PRKG1: variants seen among roughly 807,000 people sequenced by gnomAD.
The protein encoded by PRKG1 is cGMP-dependent protein kinase 1.
In PRKG1, 35 loss-of-function variants were observed where a neutral mutation model predicts 88.1. The ratio of observed to expected loss-of-function variants is 0.40; its 90% CI spans 0.30 to 0.53. The LOEUF is 0.53. Among genes scored for constraint, PRKG1 ranks in the 20% least tolerant of loss-of-function variants. PRKG1 has a pLI of 0.59. For missense variants in PRKG1, 540 were observed against 839.8 expected (o/e 0.64, Z 4.41); for synonymous variants, 303 against 292.5 (o/e 1.04, Z -0.37).
intron 1 of PRKG1, among the ~76,000 whole-genome samples, chr10:51,064,595 A>G (rs1843728236): frequency 6.6e-6 from 1 of 151,956 alleles, no homozygotes; most frequent in Non-Finnish European, 1.5e-5. Context: ...TAAGGTTGAC[A>G]ACAATTACTT....
intron 3 of PRKG1, among the ~76,000 whole-genome samples, chr10:51,528,653 C>T (rs1421065879): frequency 6.7e-6 from 1 of 148,384 alleles, no homozygotes; most frequent in African/African-American, 2.5e-5. Context: ...ACAGGCACAG[C>T]TATCCTTTCT....
intron 3 of PRKG1, among the ~76,000 whole-genome samples, chr10:51,480,931 G>T (rs927085952): frequency 6.6e-6 from 1 of 152,000 alleles, no homozygotes; most frequent in Non-Finnish European, 1.5e-5. Flanking sequence ...GGGGGAGGTG[G>T]TGGTGGTATG....
chr10:51,818,929 C>T (rs1303477436), intron 4 of PRKG1, among the ~76,000 whole-genome samples: 1 of 115,744 alleles, frequency 8.6e-6, no homozygotes, highest in Non-Finnish European at 1.6e-5. Flanking sequence ...ATGGCGTGAA[C>T]CCGGGAGGCG....
chr10:52,137,151 A>C (rs968328627), intron 8 of PRKG1, among the ~76,000 whole-genome samples: 1 of 152,106 alleles, frequency 6.6e-6, no homozygotes, highest in East Asian at 1.9e-4. Flanking sequence ...CAAGCGAGGT[A>C]CCATGTTCCG....
At chr10:52,161,818 A>C (rs991697613) in intron 8 of PRKG1, 71 bp from the exon 9 acceptor site, 2 of 1,271,520 alleles carry the variant, frequency 1.6e-6, no homozygotes, top group Admixed American at 3.4e-5. Flanking sequence ...TTGTTTCACT[A>C]TATCACTGAC....
intron 7 of PRKG1, among the ~76,000 whole-genome samples, chr10:52,114,471 ACAAT>A (rs1373743806): frequency 2.6e-5 from 4 of 151,808 alleles, no homozygotes; most frequent in African/African-American, 9.7e-5. Context: ...TTCCTTTCAA[ACAAT>A]CCTTTAAAAA....
intron 2 of PRKG1, among the ~76,000 whole-genome samples, chr10:51,449,616 A>C (rs1386491369): frequency 6.9e-6 from 1 of 145,492 alleles, no homozygotes; most frequent in African/African-American, 2.6e-5. Flanking sequence ...CTTAGCATTC[A>C]AGCATAATTT....
At position 51,649,564 on chromosome 10, in the gene PRKG1, G is replaced by A. The variant is rs564938766; in HGVS notation, c.593-155021G>A. 7.2e-5 allele frequency among the ~76,000 whole-genome samples: 11 copies of A among 152,100 alleles called. No homozygotes were observed. The East Asian group carries it at 1.4e-3, about 19-fold the overall frequency. Reference sequence around the variant, plus strand: ...ATTAACACTTAAATAGGGCATATTCGTGTCACCGATAGAGAGTCGTGACTG... The same window carrying A: ...ATTAACACTTAAATAGGGCATATTCATGTCACCGATAGAGAGTCGTGACTG... On this transcript the variant is annotated intron_variant, in intron 3 of 17. Coordinates refer to ENST00000373980, the MANE Select transcript of PRKG1 (RefSeq NM_006258.4).
intron 4 of PRKG1, among the ~76,000 whole-genome samples, chr10:51,855,299 T>C (rs1021781167): frequency 6.6e-6 from 1 of 152,216 alleles, no homozygotes; most frequent in Non-Finnish European, 1.5e-5. Flanking sequence ...GTGTGTTTTA[T>C]ATCAGACAAT....
intron 3 of PRKG1, among the ~76,000 whole-genome samples, chr10:51,648,024 T>C (rs951979399): frequency 2.0e-5 from 2 of 102,042 alleles, no homozygotes; most frequent in African/African-American, 6.2e-5. Flanking sequence ...AGAAATTACA[T>C]TTTCTGGTTA....
Position 52,257,332 on chromosome 10 carries a change from G to GA in PRKG1, c.1173+5675dup, listed in dbSNP as rs201726540. On this transcript the variant is annotated intron_variant, in intron 10 of 17. Coordinates refer to ENST00000373980, the MANE Select transcript of PRKG1 (RefSeq NM_006258.4). ...GCTTGGAGTGCTATGTAAACCAATTGAAAAAAAAATAGAAACTAAGAGGTG... is the reference window on the plus strand; with the variant it reads ...GCTTGGAGTGCTATGTAAACCAATTGAAAAAAAAAATAGAAACTAAGAGGTG... Among the ~76,000 whole-genome samples, 188 of 134,618 alleles carry GA rather than the reference G, an allele frequency of 1.4e-3. 19 individuals carry two copies. Among genetic ancestry groups the GA allele is most frequent in the Middle Eastern group, 3.8e-3 (1 of 264 alleles). The allele number at this position is 134,618 out of a possible 152,430, so 88.3% of individuals were successfully genotyped here. A position where few individuals can be genotyped will look rare whatever the true frequency, so the allele number is the denominator to read the frequency against.
At chr10:51,370,142 A>G (rs1351267939) in intron 2 of PRKG1, among the ~76,000 whole-genome samples, 1 of 152,114 alleles carries the variant, frequency 6.6e-6, no homozygotes, top group Non-Finnish European at 1.5e-5. Context: ...GGTGACTGCT[A>G]TGAGGCTGCC....
chr10:51,925,638 T>C (rs78993545), intron 5 of PRKG1, among the ~76,000 whole-genome samples: 2,153 of 152,226 alleles, frequency 0.014, 48 homozygotes, highest in African/African-American at 0.05. Context: ...GCTCGGAATT[T>C]ACTTCAAAAA....
chr10:51,372,276 G>C (rs865840107), intron 2 of PRKG1, among the ~76,000 whole-genome samples: 1 of 152,010 alleles, frequency 6.6e-6, no homozygotes, highest in Non-Finnish European at 1.5e-5. Context: ...CTGCATTTTT[G>C]TGTGTATTGA....
rs545672466 is a variant in PRKG1 at position 52,294,472 on chromosome 10, A to G, written c.*572A>G. On this transcript the variant is annotated 3_prime_UTR_variant, in exon 18 of 18. Coordinates refer to ENST00000373980, the MANE Select transcript of PRKG1 (RefSeq NM_006258.4). ...ATTTTATTTCCCAGCAGTGCTGATG[A>G]CAAGACTGAATGTTACCTTTTCTTT... 6.5e-6 allele frequency: 1 copy of G among 152,694 alleles called. No homozygotes were observed. Among genetic ancestry groups the G allele is most frequent in the African/African-American group, 2.4e-5 (1 of 41,578 alleles). 9.5% of individuals were successfully genotyped at this position (152,694 alleles called of 1,614,324 possible).
intron 3 of PRKG1, among the ~76,000 whole-genome samples, chr10:51,705,339 G>A (rs1645128993): frequency 6.6e-6 from 1 of 152,138 alleles, no homozygotes; most frequent in African/African-American, 2.4e-5. Flanking sequence ...GCCTGGTCCA[G>A]TGCCTTTTAT....
At chr10:51,261,603 G>C (rs1839706339) in intron 2 of PRKG1, among the ~76,000 whole-genome samples, 1 of 152,126 alleles carries the variant, frequency 6.6e-6, no homozygotes, top group South Asian at 2.1e-4. Context: ...ATCAAGTTTT[G>C]TTTTTGTTGT....
intron 5 of PRKG1, among the ~76,000 whole-genome samples, chr10:52,049,793 C>T (rs1257914113): frequency 1.3e-5 from 2 of 151,938 alleles, no homozygotes; most frequent in African/African-American, 2.4e-5. Context: ...GGAAGACTAC[C>T]TCATTTGTGC....
At chr10:51,248,393 A>G (rs888824324) in intron 2 of PRKG1, among the ~76,000 whole-genome samples, 1 of 151,892 alleles carries the variant, frequency 6.6e-6, no homozygotes, top group African/African-American at 2.4e-5. Flanking sequence ...GCATATTATT[A>G]TTAATGTTTT....
Sources: allele counts gnomAD v4.1 joint callset (sites outside exome capture counted in the v4.1 genomes callset), GRCh38; gene constraint gnomAD v4.1.1; transcripts MANE v1.5; gene names NCBI Gene and HGNC (gene_info 2026-07-23, HGNC 2026-07-21).